Variants in TRPM3 observed in about 807,000 individuals in gnomAD.
TRPM3 encodes the protein transient receptor potential cation channel subfamily M member 3.
Under a neutral mutation model 181.2 loss-of-function variants are expected in TRPM3, and 77 were observed. That is an observed-to-expected ratio of 0.42 (90% CI 0.35 to 0.51). The LOEUF (loss-of-function observed/expected upper bound fraction) is 0.51. Among genes scored for constraint, TRPM3 ranks in the 20% least tolerant of loss-of-function variants. The probability of loss-of-function intolerance (pLI) is 0.01; values close to 1 mark genes in which losing one functional copy is unlikely to be tolerated. For missense variants in TRPM3, 1,759 were observed against 2,196.7 expected (o/e 0.80, Z 3.98); for synonymous variants, 745 against 796.4 (o/e 0.94, Z 1.09).
At chr9:71,166,138 A>T (rs2076529248) in intron 1 of TRPM3, among the ~76,000 whole-genome samples, 1 of 152,176 alleles carries the variant, frequency 6.6e-6, no homozygotes, top group Admixed American at 6.5e-5. Flanking sequence ...GGAGTATTCC[A>T]TCATGAGAAT....
intron 1 of TRPM3, among the ~76,000 whole-genome samples, chr9:71,200,892 A>T (rs1047959706): frequency 1.3e-5 from 2 of 150,428 alleles, no homozygotes; most frequent in Non-Finnish European, 3.0e-5. Context: ...TAATATTGTT[A>T]TGTGTGAATT....
At position 71,063,948 on chromosome 9, in the gene TRPM3, G is replaced by C. The variant is rs146336219; in HGVS notation, c.177+57230C>G. On this transcript the variant is annotated intron_variant, in intron 1 of 25. Transcript: ENST00000677713. ...AAAGGGCACCATGGCATGCCTATTG[G>C]AATGAGTCAAATTAGGTTGGAAACA... is the stretch of plus-strand genomic sequence containing the variant. Among the ~76,000 whole-genome samples, 304 of 152,136 alleles carry C rather than the reference G, an allele frequency of 2.0e-3. 1 individual carries two copies. The highest frequency in any genetic ancestry group is 3.2e-3 in the Non-Finnish European group (220 of 67,958).
At chr9:70,895,480 T>A (rs2096268346) in intron 1 of TRPM3, among the ~76,000 whole-genome samples, 1 of 152,182 alleles carries the variant, frequency 6.6e-6, no homozygotes, top group Admixed American at 6.5e-5. Context: ...TTGATTAGAA[T>A]TGTCTAATAC....
intron 1 of TRPM3, among the ~76,000 whole-genome samples, chr9:70,954,422 T>C (rs1219812042): frequency 2.0e-5 from 3 of 152,162 alleles, no homozygotes; most frequent in African/African-American, 7.2e-5. Context: ...AACTTCCTAC[T>C]AAAAGAGTCC....
At chr9:71,379,463 G>A (rs2092742700) in intron 1 of TRPM3, among the ~76,000 whole-genome samples, 1 of 151,960 alleles carries the variant, frequency 6.6e-6, no homozygotes, top group African/African-American at 2.4e-5. Flanking sequence ...TTGGGTCTTG[G>A]TTTTTCTGCT....
chr9:71,304,376 A>G lies in TRPM3; in HGVS notation c.183+142277T>C, dbSNP rs149402083. ...ATGCCCACCTCATCCGACGGAAGGC[A>G]GTGTTCCAAAACCCTTTGTGTTAGT... On this transcript the variant is annotated intron_variant, in intron 1 of 24. Coordinates refer to the TRPM3 transcript ENST00000357533. 4.6e-3 allele frequency among the ~76,000 whole-genome samples: 699 copies of G among 152,308 alleles called. 5 individuals carry two copies. The highest frequency in any genetic ancestry group is 0.016 in the African/African-American group (667 of 41,568).
At chr9:70,919,171 T>G (rs1254105390) in intron 1 of TRPM3, among the ~76,000 whole-genome samples, 4 of 152,192 alleles carry the variant, frequency 2.6e-5, no homozygotes, top group Non-Finnish European at 4.4e-5. Flanking sequence ...AAAAATCTTC[T>G]ATTAGATGTT....
intron 8 of TRPM3, among the ~76,000 whole-genome samples, chr9:70,754,773 GAAGGAT>G (rs1317610881): frequency 1.3e-5 from 2 of 152,282 alleles, no homozygotes; most frequent in East Asian, 3.9e-4. Flanking sequence ...AAAGAAACTT[GAAGGAT>G]ACAAGAGAAA....
chr9:70,974,998 G>C (rs1025459094), intron 1 of TRPM3, among the ~76,000 whole-genome samples: 3 of 150,990 alleles, frequency 2.0e-5, no homozygotes, highest in African/African-American at 7.3e-5. Context: ...CTCCCAAGTA[G>C]CTGGGATTAC....
chr9:71,295,099 G>T (rs73649711), intron 1 of TRPM3, among the ~76,000 whole-genome samples: 4 of 152,186 alleles, frequency 2.6e-5, no homozygotes, highest in Non-Finnish European at 1.5e-5. Flanking sequence ...TTATGCTCTT[G>T]TTACACACAC....
chr9:71,151,050 C>T (rs2134625477), intron 1 of TRPM3, among the ~76,000 whole-genome samples: 1 of 152,304 alleles, frequency 6.6e-6, no homozygotes, highest in Admixed American at 6.5e-5. Context: ...TATCTATTCT[C>T]TAACCAAATA....
intron 1 of TRPM3, among the ~76,000 whole-genome samples, chr9:71,274,672 A>G (rs758595755): frequency 6.6e-6 from 1 of 152,346 alleles, no homozygotes; most frequent in African/African-American, 2.4e-5. Context: ...CTGCACTAAA[A>G]TAAGTGTCAT....
chr9:71,228,159 G>A (rs911307056), intron 1 of TRPM3, among the ~76,000 whole-genome samples: 5 of 152,106 alleles, frequency 3.3e-5, no homozygotes, highest in Non-Finnish European at 7.4e-5. Flanking sequence ...TTTATCTTAG[G>A]GATGCAAGGA....
At chr9:70,561,252 C>T (rs1015500342) in intron 22 of TRPM3, among the ~76,000 whole-genome samples, 6 of 152,180 alleles carry the variant, frequency 3.9e-5, no homozygotes, top group East Asian at 3.8e-4. Context: ...CTATACAGTT[C>T]GCCATGGAGG....
chr9:70,577,169 A>C (rs995649920), intron 22 of TRPM3, among the ~76,000 whole-genome samples: 9 of 152,218 alleles, frequency 5.9e-5, no homozygotes, highest in African/African-American at 2.2e-4. Context: ...TGTAACTGCT[A>C]TGAAGTACAT....
At chr9:71,441,879 C>A (rs2094140920) in intron 1 of TRPM3, among the ~76,000 whole-genome samples, 1 of 152,150 alleles carries the variant, frequency 6.6e-6, no homozygotes, top group South Asian at 2.1e-4. Context: ...GATCCACCCG[C>A]CTCGGCCTCC....
At chr9:70,942,541 G>T (rs1382088033) in intron 1 of TRPM3, among the ~76,000 whole-genome samples, 2 of 152,144 alleles carry the variant, frequency 1.3e-5, no homozygotes, top group East Asian at 3.8e-4. Flanking sequence ...ACTGTACAAG[G>T]CTTCTTGTCT....
intron 8 of TRPM3, among the ~76,000 whole-genome samples, chr9:70,696,888 C>T (rs7032467): frequency 0.51 from 77,339 of 151,958 alleles, 20,574 homozygotes; most frequent in Non-Finnish European, 0.58. Flanking sequence ...CTGTTCTTCT[C>T]TCCTTGCTCC....
At chr9:70,595,069 C>A (rs2058771777) in intron 21 of TRPM3, among the ~76,000 whole-genome samples, 1 of 152,178 alleles carries the variant, frequency 6.6e-6, no homozygotes, top group African/African-American at 2.4e-5. Context: ...AAATGCAGTA[C>A]ATTCCTCTTG....
Sources: gnomAD v4.1 joint callset for allele counts (sites outside exome capture counted in the v4.1 genomes callset) on GRCh38, gnomAD v4.1.1 for gene constraint, MANE v1.5 for transcripts, NCBI Gene and HGNC (gene_info 2026-07-23, HGNC 2026-07-21) for gene names.